Variants in COL27A1 observed in about 807,000 individuals in gnomAD.
COL27A1 encodes collagen alpha-1(XXVII) chain.
Under a neutral mutation model 251.3 loss-of-function variants are expected in COL27A1, and 106 were observed. That is an observed-to-expected ratio of 0.42 (90% CI 0.36 to 0.50). The LOEUF (loss-of-function observed/expected upper bound fraction) is 0.50. Among genes scored for constraint, COL27A1 ranks in the 20% least tolerant of loss-of-function variants. The pLI, the probability that COL27A1 is intolerant of heterozygous loss-of-function variation, is 0.00. For synonymous variants in COL27A1, 1,000 were observed against 986.3 expected, an observed-to-expected ratio of 1.01 and a Z score of -0.26; for missense variants, 2,325 against 2,522.8, an observed-to-expected ratio of 0.92 and a Z score of 1.68.
intron 3 of COL27A1, 86 bp from the exon 4 acceptor site, chr9:114,178,205 C>A: frequency 8.9e-7 from 1 of 1,124,402 alleles, no homozygotes; most frequent in Non-Finnish European, 1.4e-6. Flanking sequence ...CCCACAGCTG[C>A]AGGCGGGATT....
At chr9:114,217,578 G>A (rs114515809) in intron 12 of COL27A1, among the ~76,000 whole-genome samples, 160 of 152,342 alleles carry the variant, frequency 1.1e-3, no homozygotes, top group African/African-American at 3.7e-3. Context: ...GTCAAGTGTG[G>A]GGGCCTGCCC....
intron 9 of COL27A1, among the ~76,000 whole-genome samples, 173 bp from the exon 10 acceptor site, chr9:114,206,079 C>T (rs1183614679): frequency 6.6e-6 from 1 of 152,186 alleles, no homozygotes; most frequent in African/African-American, 2.4e-5. Flanking sequence ...ACCCACCAGC[C>T]ACCTCCCTGG....
At chr9:114,198,701 C>T (rs960694507) in intron 7 of COL27A1, among the ~76,000 whole-genome samples, 1 of 152,208 alleles carries the variant, frequency 6.6e-6, no homozygotes, top group African/African-American at 2.4e-5. Context: ...AAGAGGCTGC[C>T]TGCCCGAGAA....
At chr9:114,169,573 G>A in intron 3 of COL27A1, 110 bp downstream of exon 3, 1 of 892,042 alleles carries the variant, frequency 1.1e-6, no homozygotes, top group Non-Finnish European at 1.7e-6. Context: ...TTAGAGCAGG[G>A]AGCTGGTTAT....
chr9:114,311,548 G>GAAAAAA lies in COL27A1; in HGVS notation c.*865_*870dup, dbSNP rs56094843. ...AGGAGGAAAAAAGAAAAGAAAAAAG[G>GAAAAAA]AAAAAAAAAAAAAAAAAGCAAAACA... On this transcript the variant is annotated 3_prime_UTR_variant, in exon 61 of 61. Coordinates refer to ENST00000356083, the MANE Select transcript of COL27A1 (RefSeq NM_032888.4). 3.1e-5 allele frequency: 3 copies of GAAAAAA among 96,224 alleles called. No individual in the cohort carries two copies. Among genetic ancestry groups the GAAAAAA allele is most frequent in the African/African-American group, 1.0e-4 (3 of 29,318 alleles). The allele number at this position is 96,224 out of a possible 1,614,324, so 6.0% of individuals were successfully genotyped here.
chr9:114,169,247 G>A lies in COL27A1; in HGVS notation c.1692G>A (p.Arg564=). 1.2e-6 allele frequency: 2 copies of A among 1,613,644 alleles called. No homozygotes were observed. The highest frequency in any genetic ancestry group is 2.2e-5 in the South Asian group (2 of 91,002). Residue 564 remains arginine, a synonymous_variant, in exon 3 of 61, where the codon AGG becomes AGA. Coordinates refer to ENST00000356083, the MANE Select transcript of COL27A1 (RefSeq NM_032888.4). The part of the protein sequence containing the change: ...PVPLRPGKAA[R]DVPLSDLTTR... ...CCCTCAGACCTGGGAAGGCAGCCAG[G>A]GATGTCCCCTTGAGCGATCTGACAA...
intron 49 of COL27A1, among the ~76,000 whole-genome samples, chr9:114,298,307 T>C (rs1828390110): frequency 6.6e-6 from 1 of 152,224 alleles, no homozygotes; most frequent in Non-Finnish European, 1.5e-5. Context: ...ATATAATCCC[T>C]ATCAAAATCC....
chr9:114,294,020 C>T (rs1828093247), intron 49 of COL27A1, among the ~76,000 whole-genome samples: 1 of 150,956 alleles, frequency 6.6e-6, no homozygotes, highest in African/African-American at 2.4e-5. Context: ...GGGTGGATCA[C>T]GAGGTCAAGA....
At chr9:114,220,158 C>T (rs1302073320) in intron 13 of COL27A1, among the ~76,000 whole-genome samples, 1 of 152,230 alleles carries the variant, frequency 6.6e-6, no homozygotes, top group East Asian at 1.9e-4. Flanking sequence ...CCAGCTGCTG[C>T]CATCTTACAC....
intron 36 of COL27A1, among the ~76,000 whole-genome samples, chr9:114,274,515 T>C (rs1280640081): frequency 6.6e-6 from 1 of 152,196 alleles, no homozygotes; most frequent in Non-Finnish European, 1.5e-5. Flanking sequence ...AGTTAATAGA[T>C]GTTAAAGGAC....
chr9:114,243,587 A>G (rs1442966825), intron 23 of COL27A1, 27 bp downstream of exon 23: 2 of 1,597,868 alleles, frequency 1.3e-6, no homozygotes, highest in Admixed American at 1.7e-5. Flanking sequence ...ATCCCTGGGG[A>G]CAAGAGGAAA....
intron 4 of COL27A1, among the ~76,000 whole-genome samples, chr9:114,180,836 G>C (rs548015025): frequency 3.3e-5 from 5 of 152,016 alleles, no homozygotes; most frequent in African/African-American, 1.2e-4. Context: ...GGTTGGGGAC[G>C]GGGGGGCAGG....
At chr9:114,238,658 G>C (rs1832557553) in intron 19 of COL27A1, among the ~76,000 whole-genome samples, 1 of 152,206 alleles carries the variant, frequency 6.6e-6, no homozygotes, top group African/African-American at 2.4e-5. Context: ...CCTATCTTTA[G>C]ACAAATGGAC....
Position 114,240,283 on chromosome 9 carries a change from TG to T in COL27A1, c.2781+11del. 5 of 1,591,220 alleles carry T rather than the reference TG, an allele frequency of 3.1e-6. No individual in the cohort carries two copies. The highest frequency in any genetic ancestry group is 4.3e-6 in the Non-Finnish European group (5 of 1,168,250). On this transcript the variant is annotated intron_variant, in intron 20 of 60. Coordinates refer to ENST00000356083, the MANE Select transcript of COL27A1 (RefSeq NM_032888.4). ...CCCAGAAGGCATGAAGGTGAGTACC[TG>T]CCCAGGGCAGCTCCAGTTGGAGGAG...
intron 4 of COL27A1, 73 bp from the exon 5 acceptor site, chr9:114,182,949 G>T (rs1047060786): frequency 1.6e-6 from 2 of 1,265,280 alleles, no homozygotes; most frequent in African/African-American, 2.9e-5. Flanking sequence ...AAGGTGCCAG[G>T]CATTGCTGTC....
intron 37 of COL27A1, among the ~76,000 whole-genome samples, chr9:114,279,479 T>C (rs1430792189): frequency 6.6e-6 from 1 of 152,244 alleles, no homozygotes; most frequent in South Asian, 2.1e-4. Flanking sequence ...ATACAAGCCA[T>C]ATACAAGCCA....
At chr9:114,171,965 G>A (rs1849354524) in intron 3 of COL27A1, among the ~76,000 whole-genome samples, 2 of 152,102 alleles carry the variant, frequency 1.3e-5, no homozygotes, top group Non-Finnish European at 2.9e-5. Flanking sequence ...GAAGGAGCTG[G>A]GATGCAACTT....
At chr9:114,228,043 C>T (rs1831627806) in intron 14 of COL27A1, among the ~76,000 whole-genome samples, 1 of 152,160 alleles carries the variant, frequency 6.6e-6, no homozygotes, top group Non-Finnish European at 1.5e-5. Flanking sequence ...GTCTCTCTTC[C>T]AGATTCCTTC....
intron 17 of COL27A1, among the ~76,000 whole-genome samples, chr9:114,235,877 CTCTT>C (rs1832359240): frequency 6.6e-6 from 1 of 152,128 alleles, no homozygotes; most frequent in African/African-American, 2.4e-5. Context: ...CTTGCTTTCT[CTCTT>C]TCTTCTTTAC....
Sources: allele counts gnomAD v4.1 joint callset (sites outside exome capture counted in the v4.1 genomes callset), GRCh38; gene constraint gnomAD v4.1.1; transcripts MANE v1.5; gene names NCBI Gene and HGNC (gene_info 2026-07-23, HGNC 2026-07-21).